The following BTBD9 variants were observed in gnomAD, a reference collection of about 807,000 sequenced individuals.
BTBD9 encodes BTB domain containing 9.
Under a neutral mutation model 64.3 loss-of-function variants are expected in BTBD9, and 49 were observed. The observed-to-expected ratio is 0.76, with a 90% CI of 0.61 to 0.97. The LOEUF (loss-of-function observed/expected upper bound fraction) is 0.97. Ranked by LOEUF, BTBD9 falls within the 50% of genes least tolerant of loss-of-function variation. The probability of loss-of-function intolerance (pLI) is 0.00; values close to 1 mark genes in which losing one functional copy is unlikely to be tolerated. For synonymous variants in BTBD9, 260 were observed against 274.7 expected, an observed-to-expected ratio of 0.95 and a Z score of 0.53; for missense variants, 598 against 762.1, an observed-to-expected ratio of 0.78 and a Z score of 2.53.
At chr6:38,269,615 G>C (rs911902126) in intron 8 of BTBD9, among the ~76,000 whole-genome samples, 1 of 151,238 alleles carries the variant, frequency 6.6e-6, no homozygotes, top group Non-Finnish European at 1.5e-5. Flanking sequence ...TTTTCCCTGC[G>C]ATCACCTATA....
chr6:38,524,400 G>GA (rs1260136617), intron 6 of BTBD9, among the ~76,000 whole-genome samples: 3 of 151,976 alleles, frequency 2.0e-5, no homozygotes, highest in Admixed American at 1.3e-4. Context: ...AAAAATCCCA[G>GA]AAAAAAACTG....
chr6:38,293,321 TA>T (rs1280239195), intron 7 of BTBD9, among the ~76,000 whole-genome samples: 3 of 152,182 alleles, frequency 2.0e-5, no homozygotes. Flanking sequence ...AAAACTACTT[TA>T]AATTTCACAT....
intron 9 of BTBD9, among the ~76,000 whole-genome samples, chr6:38,226,784 T>C (rs1445001737): frequency 6.6e-6 from 1 of 152,222 alleles, no homozygotes; most frequent in Non-Finnish European, 1.5e-5. Flanking sequence ...CTCACAGAGT[T>C]ACCTCCACTG....
chr6:38,172,171 G>A lies in BTBD9; in HGVS notation c.*2814C>T, dbSNP rs561203575. On this transcript the variant is annotated 3_prime_UTR_variant, in exon 11 of 11. Coordinates refer to ENST00000481247, the MANE Select transcript of BTBD9 (RefSeq NM_001099272.2). ...CTCCTTCACAACCCCCGCTCCCCAC[G>A]GACTGAGCCTCCACTCTCTGCTGGG... 10 of 152,488 alleles carry A rather than the reference G, an allele frequency of 6.6e-5. No individual in the cohort carries two copies. The highest frequency in any genetic ancestry group is 2.1e-4 in the South Asian group (1 of 4,834). The allele number at this position is 152,488 out of a possible 1,614,324, so 9.4% of individuals were successfully genotyped here.
intron 9 of BTBD9, among the ~76,000 whole-genome samples, 198 bp from the exon 10 acceptor site, chr6:38,192,795 CT>C (rs1273782720): frequency 6.6e-6 from 1 of 151,706 alleles, no homozygotes; most frequent in Non-Finnish European, 1.5e-5. Flanking sequence ...TATTCAGGAG[CT>C]TACAATCCCA....
chr6:38,477,682 G>C (rs1770950962), intron 6 of BTBD9, among the ~76,000 whole-genome samples: 1 of 152,160 alleles, frequency 6.6e-6, no homozygotes. Flanking sequence ...AATGCTATCA[G>C]GGAATAGGAA....
chr6:38,180,397 T>C (rs1026882944), intron 10 of BTBD9, among the ~76,000 whole-genome samples: 9 of 152,176 alleles, frequency 5.9e-5, no homozygotes, highest in African/African-American at 2.2e-4. Context: ...AGGAGGGTGA[T>C]GGCAGCTTGG....
chr6:38,587,661 A>C, intron 4 of BTBD9: 1 of 611,038 alleles, frequency 1.6e-6, no homozygotes, highest in Admixed American at 2.1e-5. Flanking sequence ...AACTGACAGA[A>C]CTTTGAAATA....
chr6:38,630,121 T>C (rs1778311747), intron 1 of BTBD9, among the ~76,000 whole-genome samples: 1 of 151,164 alleles, frequency 6.6e-6, no homozygotes, highest in African/African-American at 2.4e-5. Context: ...GGCAGGAGAA[T>C]TGCTCCCGGA....
At chr6:38,292,914 G>T (rs1302990957) in intron 7 of BTBD9, among the ~76,000 whole-genome samples, 2 of 152,074 alleles carry the variant, frequency 1.3e-5, no homozygotes, top group Non-Finnish European at 2.9e-5. Context: ...TGATGTTAGG[G>T]TGTCGATTTT....
At chr6:38,271,181 T>C (rs537088346) in intron 8 of BTBD9, among the ~76,000 whole-genome samples, 34 of 152,314 alleles carry the variant, frequency 2.2e-4, no homozygotes, top group African/African-American at 7.9e-4. Flanking sequence ...AGAATCTCAG[T>C]ATCTAAAACA....
intron 8 of BTBD9, among the ~76,000 whole-genome samples, chr6:38,276,199 G>A (rs1196934625): frequency 1.3e-5 from 2 of 152,102 alleles, no homozygotes; most frequent in Non-Finnish European, 2.9e-5. Context: ...GTCCTTTGTA[G>A]GGACATGGAT....
rs115719720 is a variant in BTBD9, at chr6:38,516,918, C to T, written c.1154+60682G>A. Among the ~76,000 whole-genome samples, 276 of 152,336 alleles carry T rather than the reference C, an allele frequency of 1.8e-3. 2 individuals carry two copies. Among genetic ancestry groups the T allele is most frequent in the African/African-American group, 6.3e-3 (263 of 41,570 alleles). ...CCACCAACTCAACACAATTTGCTCA[C>T]TGCACTCTGAATAAAAAGTGAAAAT... is the stretch of plus-strand genomic sequence containing the variant. On this transcript the variant is annotated intron_variant, in intron 6 of 10. Transcript: ENST00000481247.
chr6:38,209,734 T>C (rs2127498273), intron 9 of BTBD9, among the ~76,000 whole-genome samples: 1 of 152,346 alleles, frequency 6.6e-6, no homozygotes, highest in South Asian at 2.1e-4. Context: ...CATGGACATG[T>C]GGCATCTTCT....
intron 8 of BTBD9, among the ~76,000 whole-genome samples, chr6:38,262,780 T>C (rs1295295290): frequency 6.6e-6 from 1 of 152,220 alleles, no homozygotes; most frequent in African/African-American, 2.4e-5. Context: ...GTCTACATTA[T>C]GCATGCGATG....
chr6:38,615,395 A>G (rs1309116337), intron 1 of BTBD9, among the ~76,000 whole-genome samples: 1 of 152,214 alleles, frequency 6.6e-6, no homozygotes, highest in African/African-American at 2.4e-5. Context: ...CATGCTGAAT[A>G]AAAATCATAC....
At chr6:38,428,912 T>C (rs1318478694) in intron 6 of BTBD9, among the ~76,000 whole-genome samples, 3 of 151,402 alleles carry the variant, frequency 2.0e-5, no homozygotes, top group East Asian at 2.0e-4. Context: ...GGTTTCACCG[T>C]GTTAGCCAGT....
chr6:38,215,051 T>C (rs556765425), intron 9 of BTBD9, among the ~76,000 whole-genome samples: 1 of 152,322 alleles, frequency 6.6e-6, no homozygotes, highest in South Asian at 2.1e-4. Flanking sequence ...TTCTGTATTA[T>C]TTCTTGAGGA....
At chr6:38,564,334 C>T (rs917647032) in intron 6 of BTBD9, among the ~76,000 whole-genome samples, 10 of 152,070 alleles carry the variant, frequency 6.6e-5, no homozygotes, top group African/African-American at 2.4e-4. Context: ...AATTCTAGTC[C>T]CAGTACAGTT....
Sources: allele counts gnomAD v4.1 joint callset (sites outside exome capture counted in the v4.1 genomes callset), GRCh38; gene constraint gnomAD v4.1.1; transcripts MANE v1.5; gene names NCBI Gene and HGNC (gene_info 2026-07-23, HGNC 2026-07-21).